The following BMP2K variants were observed in gnomAD, a reference collection of about 807,000 sequenced individuals.
BMP2K encodes BMP2 inducible kinase.
BMP2K carries 74 observed loss-of-function variants against 116.0 expected under a neutral mutation model. The observed-to-expected ratio is 0.64, with a 90% CI of 0.53 to 0.77. The LOEUF (loss-of-function observed/expected upper bound fraction) is 0.77. Ranked by LOEUF, BMP2K falls within the 30% of genes least tolerant of loss-of-function variation. The pLI is 0.00. For synonymous variants in BMP2K, 486 were observed against 502.5 expected, an observed-to-expected ratio of 0.97 and a Z score of 0.44; for missense variants, 1,365 against 1,403.6, an observed-to-expected ratio of 0.97 and a Z score of 0.44.
chr4:78,856,444 A>G (rs996841641), intron 7 of BMP2K, among the ~76,000 whole-genome samples: 1 of 152,148 alleles, frequency 6.6e-6, no homozygotes, highest in Non-Finnish European at 1.5e-5. Context: ...ACATTTTGCA[A>G]CCCATTCTCT....
intron 3 of BMP2K, among the ~76,000 whole-genome samples, chr4:78,835,324 G>A (rs1730418037): frequency 6.6e-6 from 1 of 151,948 alleles, no homozygotes; most frequent in Non-Finnish European, 1.5e-5. Context: ...TGTATATATG[G>A]TTTAAAAAGT....
At chr4:78,868,851 C>T (rs1732192445) in intron 10 of BMP2K, among the ~76,000 whole-genome samples, 1 of 152,180 alleles carries the variant, frequency 6.6e-6, no homozygotes, top group African/African-American at 2.4e-5. Flanking sequence ...GCAGCTCCTC[C>T]CCTGTGGCTT....
chr4:78,807,924 G>T (rs1728901063), intron 1 of BMP2K, among the ~76,000 whole-genome samples: 1 of 151,930 alleles, frequency 6.6e-6, no homozygotes, highest in South Asian at 2.1e-4. Context: ...TTAGCTAATG[G>T]TTTGCCAGTT....
chr4:78,908,106 T>G (rs150623515), intron 15 of BMP2K, among the ~76,000 whole-genome samples: 1 of 152,288 alleles, frequency 6.6e-6, no homozygotes, highest in African/African-American at 2.4e-5. Context: ...TGATTTGCTT[T>G]TAATCTGGAA....
At chr4:78,875,425 ATTTATC>A (rs1485686631) in intron 13 of BMP2K, among the ~76,000 whole-genome samples, 1 of 152,106 alleles carries the variant, frequency 6.6e-6, no homozygotes, top group African/African-American at 2.4e-5. Flanking sequence ...CACCATGTTA[ATTTATC>A]TTTAGTATGA....
chr4:78,785,796 G>A (rs1033714265), intron 1 of BMP2K, among the ~76,000 whole-genome samples: 1 of 152,068 alleles, frequency 6.6e-6, no homozygotes, highest in Non-Finnish European at 1.5e-5. Flanking sequence ...AATACATCTC[G>A]TTTAGAGAAT....
At chr4:78,817,547 C>T (rs1729410504) in intron 1 of BMP2K, among the ~76,000 whole-genome samples, 1 of 152,110 alleles carries the variant, frequency 6.6e-6, no homozygotes, top group African/African-American at 2.4e-5. Flanking sequence ...AGTTTTTATC[C>T]CCATGCTAGG....
chr4:78,872,244 A>G lies in BMP2K; in HGVS notation c.1608+296A>G, dbSNP rs372320762. On this transcript the variant is annotated intron_variant, in intron 12 of 15. Transcript: ENST00000502613. ...TGTCTCTTTCATTCAGCACATATCT[A>G]TTGAGTAAAAAAATGAAACCCAAAG... 1.6e-3 allele frequency: 406 copies of G among 247,420 alleles called. 1 individual carries two copies. Among genetic ancestry groups the G allele is most frequent in the African/African-American group, 8.5e-3 (380 of 44,478 alleles). The allele number at this position is 247,420 out of a possible 1,614,324, so 15.3% of individuals were successfully genotyped here. A position where few individuals can be genotyped will look rare whatever the true frequency, so the allele number is the denominator to read the frequency against.
chr4:78,865,694 G>C lies in BMP2K; in HGVS notation c.1205G>C (p.Gly402Ala). The C allele has an allele frequency of 6.2e-7, 1 of 1,614,064 alleles. No individual in the cohort carries two copies. The highest frequency in any genetic ancestry group is 8.5e-7 in the Non-Finnish European group (1 of 1,179,974). The change falls in exon 10 of 16, where the codon GGT becomes GCT. Residue 402 changes from glycine (G) to alanine (A), a missense_variant. Around this residue, in one of 3 missense-constraint regions of BMP2K, gnomAD observed 762 missense variants for 756.7 expected, o/e 1.01. Coordinates refer to ENST00000502613, the MANE Select transcript of BMP2K (RefSeq NM_198892.2). Reference protein sequence around the residue: ...SATPVKVLAPGEFGNHRPKGA... With the variant: ...SATPVKVLAPAEFGNHRPKGA... ...ACACCTGTTAAAGTCCTTGCTCCTG[G>C]TGAATTCGGTAACCATAGACCAAAA... is the stretch of plus-strand genomic sequence containing the variant.
chr4:78,901,608 G>T (rs1577976409), intron 15 of BMP2K, among the ~76,000 whole-genome samples: 1 of 152,180 alleles, frequency 6.6e-6, no homozygotes, highest in East Asian at 1.9e-4. Flanking sequence ...TTAAAGCATG[G>T]TATTCATTCC....
chr4:78,885,074 G>A (rs1326710301), intron 14 of BMP2K, among the ~76,000 whole-genome samples: 1 of 152,156 alleles, frequency 6.6e-6, no homozygotes, highest in Non-Finnish European at 1.5e-5. Flanking sequence ...TTGAAAAGTA[G>A]CACTTAAGTT....
At chr4:78,815,754 A>G (rs1729308049) in intron 1 of BMP2K, among the ~76,000 whole-genome samples, 1 of 150,224 alleles carries the variant, frequency 6.7e-6, no homozygotes, top group Non-Finnish European at 1.5e-5. Context: ...TGTACAAGAT[A>G]ATAATTATTT....
chr4:78,835,256 G>A (rs978259357), intron 3 of BMP2K, among the ~76,000 whole-genome samples: 1 of 152,030 alleles, frequency 6.6e-6, no homozygotes, highest in African/African-American at 2.4e-5. Context: ...TAGTTATCCG[G>A]TATTCAAATC....
At chr4:78,814,821 A>T (rs889667809) in intron 1 of BMP2K, among the ~76,000 whole-genome samples, 24 of 152,284 alleles carry the variant, frequency 1.6e-4, no homozygotes, top group Non-Finnish European at 3.2e-4. Context: ...TTTTAAAAAA[A>T]ATATAGTTTG....
intron 1 of BMP2K, among the ~76,000 whole-genome samples, chr4:78,792,173 C>A (rs1275410638): frequency 6.6e-6 from 1 of 152,096 alleles, no homozygotes; most frequent in East Asian, 1.9e-4. Context: ...ATGTGCAGAA[C>A]CTCTGTGAAG....
At chr4:78,795,461 T>C (rs537577886) in intron 1 of BMP2K, among the ~76,000 whole-genome samples, 16 of 152,206 alleles carry the variant, frequency 1.1e-4, no homozygotes, top group African/African-American at 3.6e-4. Context: ...GCATTACCAT[T>C]CAGGACATAG....
intron 3 of BMP2K, among the ~76,000 whole-genome samples, chr4:78,841,857 C>A (rs1730775180): frequency 6.6e-6 from 1 of 152,064 alleles, no homozygotes; most frequent in South Asian, 2.1e-4. Flanking sequence ...AATTATCCTT[C>A]AATCTCAAAT....
intron 15 of BMP2K, among the ~76,000 whole-genome samples, chr4:78,908,870 T>C (rs116627349): frequency 1.3e-5 from 2 of 152,238 alleles, no homozygotes; most frequent in Admixed American, 6.5e-5. Flanking sequence ...AATGGGTTTC[T>C]ATCACGCCAC....
chr4:78,896,462 T>C (rs938236952), intron 15 of BMP2K, among the ~76,000 whole-genome samples: 3 of 152,206 alleles, frequency 2.0e-5, no homozygotes, highest in Non-Finnish European at 4.4e-5. Context: ...TGTATCAGTT[T>C]CCTCATCTAT....
Sources: allele counts gnomAD v4.1 joint callset (sites outside exome capture counted in the v4.1 genomes callset), GRCh38; gene constraint gnomAD v4.1.1; regional missense constraint gnomAD v4.1.1; transcripts MANE v1.5; gene names NCBI Gene and HGNC (gene_info 2026-07-23, HGNC 2026-07-21).